The following DOCK9 variants were observed in gnomAD, a reference collection of about 807,000 sequenced individuals.
The protein encoded by DOCK9 is dedicator of cytokinesis 9, also known as dedicator of cytokinesis protein 9.
In DOCK9, 89 loss-of-function variants were observed where a neutral mutation model predicts 263.3. That is an observed-to-expected ratio of 0.34 (90% CI 0.28 to 0.40). The LOEUF is 0.40. DOCK9 is among the 10% of genes least tolerant of loss of function. The pLI is 1.00. For missense variants in DOCK9, 2,140 were observed against 2,603.4 expected (o/e 0.82, Z 3.87); for synonymous variants, 976 against 973.1 (o/e 1.00, Z -0.06).
chr13:99,033,292 G>A (rs1242772546), intron 1 of DOCK9, among the ~76,000 whole-genome samples: 1 of 152,220 alleles, frequency 6.6e-6, no homozygotes, highest in Non-Finnish European at 1.5e-5. Context: ...AGACAGATAA[G>A]ATTACAAGAT....
chr13:98,867,531 G>A lies in DOCK9; in HGVS notation c.3180C>T (p.Leu1060=). The A allele has an allele frequency of 6.3e-7, 1 of 1,598,212 alleles. No individual in the cohort carries two copies. The highest frequency in any genetic ancestry group is 2.2e-5 in the East Asian group (1 of 44,760). ...GGAGAAATTCAAACTTGTATTCAAA[G>A]AGGGTCTGCAGGAAGAAGTGTGTAG... ...SCFAPGDPKT[L]FEYKFEFLRV... is the part of the protein sequence containing the mutation. Residue 1060 remains leucine (L), a synonymous_variant, in exon 30 of 53, where the codon CTC becomes CTT. Coordinates refer to ENST00000682017, the MANE Select transcript of DOCK9 (RefSeq NM_001366683.2).
Position 98,920,987 on chromosome 13 carries a change from T to G in DOCK9, c.684A>C (p.Ser228=). Reference sequence around the variant, plus strand: ...CACCCATACAGGAATCCAGAAATATTGATCCTTTTGGTTCTTTGGAGATCT... The same window carrying G: ...CACCCATACAGGAATCCAGAAATATGGATCCTTTTGGTTCTTTGGAGATCT... ...DEKISKEPKG[S]IFLDSCMGVV... Residue 228 remains serine (S), a synonymous_variant, in exon 7 of 53, where the codon TCA becomes TCC. Transcript: ENST00000682017. The G allele has an allele frequency of 6.2e-7, 1 of 1,608,130 alleles. No homozygotes were observed. The highest frequency in any genetic ancestry group is 1.3e-5 in the African/African-American group (1 of 74,934).
intron 1 of DOCK9, among the ~76,000 whole-genome samples, chr13:98,997,186 T>C (rs867638584): frequency 1.3e-5 from 2 of 152,360 alleles, no homozygotes; most frequent in South Asian, 4.1e-4. Flanking sequence ...AGGGCACCTG[T>C]GTCTGCTGCC....
chr13:99,080,261 A>ACC (rs2042074528), intron 1 of DOCK9, among the ~76,000 whole-genome samples: 1 of 79,806 alleles, frequency 1.3e-5, no homozygotes, highest in South Asian at 4.6e-4. Context: ...CTAAGTGCCT[A>ACC]CACACACACA....
chr13:98,873,588 T>A (rs1374918465), intron 27 of DOCK9, among the ~76,000 whole-genome samples: 1 of 152,190 alleles, frequency 6.6e-6, no homozygotes, highest in Non-Finnish European at 1.5e-5. Flanking sequence ...CAGTGCAACT[T>A]CTGGGTCATA....
Position 98,867,233 on chromosome 13 carries a change from A to G in DOCK9, c.3286+192T>C, listed in dbSNP as rs548767592. ...CCATACTGGCATGATCTGTAGTCTG[A>G]TAAGTTTGCTGAAAAGTAAGTTCCC... On this transcript the variant is annotated intron_variant, in intron 30 of 52. Coordinates refer to ENST00000682017, the MANE Select transcript of DOCK9 (RefSeq NM_001366683.2). 8.0e-5 allele frequency: 45 copies of G among 565,712 alleles called. No homozygotes were observed. The South Asian group carries it at 1.0e-3, about 13-fold the overall frequency. 35.0% of individuals were successfully genotyped at this position (565,712 alleles called of 1,614,324 possible).
Position 98,799,321 on chromosome 13 carries a change from C to T in DOCK9, c.5916+967G>A, listed in dbSNP as rs563934587. ...AACATACCCTTCTTGAAAGATAAAACAATAGGATATACAAATACATATATA... is the reference window on the plus strand; with the variant it reads ...AACATACCCTTCTTGAAAGATAAAATAATAGGATATACAAATACATATATA... On this transcript the variant is annotated intron_variant, in intron 50 of 52. Transcript: ENST00000682017. Among the ~76,000 whole-genome samples, 214 of 152,156 alleles carry T rather than the reference C, an allele frequency of 1.4e-3. 10 individuals are homozygous for T. In the South Asian group the frequency reaches 0.043, roughly 31 times the overall value.
chr13:98,798,665 G>C (rs1238756754), intron 50 of DOCK9, among the ~76,000 whole-genome samples: 1 of 152,224 alleles, frequency 6.6e-6, no homozygotes, highest in East Asian at 1.9e-4. Flanking sequence ...CTCCGCAGAC[G>C]GCTCTGCCCA....
chr13:98,811,243 TTTTAA>T (rs1413478306), intron 45 of DOCK9, among the ~76,000 whole-genome samples: 1 of 152,252 alleles, frequency 6.6e-6, no homozygotes, highest in Non-Finnish European at 1.5e-5. Context: ...GCTGAATTAA[TTTTAA>T]TTTGTTGATT....
At chr13:98,939,425 C>G (rs1340340118) in intron 2 of DOCK9, among the ~76,000 whole-genome samples, 52 of 152,212 alleles carry the variant, frequency 3.4e-4, no homozygotes, top group Non-Finnish European at 2.9e-4. Context: ...CCTCTCTCCC[C>G]TCTTTGTAAT....
At chr13:98,820,533 T>A (rs2092202425) in intron 45 of DOCK9, 1 of 220,050 alleles carries the variant, frequency 4.5e-6, no homozygotes, top group South Asian at 5.3e-5. Flanking sequence ...GTGGTCAAAG[T>A]ACAGCTACTC....
At chr13:99,085,882 G>A (rs1366733229) in intron 1 of DOCK9, among the ~76,000 whole-genome samples, 1 of 151,972 alleles carries the variant, frequency 6.6e-6, no homozygotes, top group Non-Finnish European at 1.5e-5. Flanking sequence ...AGGGGGGAGA[G>A]TGTAATTTCC....
chr13:98,860,105 T>G (rs2093817806), intron 33 of DOCK9: 3 of 1,072,788 alleles, frequency 2.8e-6, no homozygotes, highest in Non-Finnish European at 3.6e-6. Context: ...CCCTTAACAG[T>G]ATACACAATC....
chr13:98,871,077 T>C (rs1209726852), intron 27 of DOCK9, among the ~76,000 whole-genome samples: 1 of 152,204 alleles, frequency 6.6e-6, no homozygotes, highest in Non-Finnish European at 1.5e-5. Context: ...GACTGGGTGT[T>C]AGATGATAAT....
chr13:99,004,784 G>C (rs1420494163), intron 1 of DOCK9, among the ~76,000 whole-genome samples: 2 of 148,148 alleles, frequency 1.3e-5, no homozygotes, highest in East Asian at 2.0e-4. Context: ...AAAAACTATA[G>C]ACACACACAC....
At chr13:99,028,455 C>T (rs1228965707) in intron 1 of DOCK9, among the ~76,000 whole-genome samples, 1 of 151,936 alleles carries the variant, frequency 6.6e-6, no homozygotes, top group East Asian at 1.9e-4. Flanking sequence ...GAAGTCCTGG[C>T]TGAGTGCAAA....
chr13:98,935,699 C>T (rs1297239347), intron 2 of DOCK9, among the ~76,000 whole-genome samples: 2 of 152,104 alleles, frequency 1.3e-5, no homozygotes, highest in East Asian at 1.9e-4. Flanking sequence ...ACTCAGGAGG[C>T]GGAGGTCACA....
intron 1 of DOCK9, among the ~76,000 whole-genome samples, chr13:99,008,215 T>C (rs1016023868): frequency 6.7e-5 from 4 of 60,000 alleles, no homozygotes; most frequent in Non-Finnish European, 1.4e-4. Context: ...TCTCTCTCTA[T>C]ATATATATAT....
chr13:98,964,853 T>C (rs874199), intron 1 of DOCK9, among the ~76,000 whole-genome samples: 77,717 of 152,040 alleles, frequency 0.51, 20,145 homozygotes, highest in East Asian at 0.75. Flanking sequence ...GCCTCCCAGA[T>C]GGACGTGCTT....
Sources: gnomAD v4.1 joint callset for allele counts (sites outside exome capture counted in the v4.1 genomes callset) on GRCh38, gnomAD v4.1.1 for gene constraint, MANE v1.5 for transcripts, NCBI Gene and HGNC (gene_info 2026-07-23, HGNC 2026-07-21) for gene names.